EEFSEC: variants seen among roughly 807,000 people sequenced by gnomAD.
EEFSEC encodes the protein eukaryotic elongation factor, selenocysteine-tRNA specific.
In EEFSEC, 43 loss-of-function variants were observed where a neutral mutation model predicts 42.1. The ratio of observed to expected loss-of-function variants is 1.02; its 90% confidence interval spans 0.80 to 1.32. The LOEUF (loss-of-function observed/expected upper bound fraction) is 1.32. Ranked by LOEUF, EEFSEC falls within the 40% of genes most tolerant of loss-of-function variation. The probability of loss-of-function intolerance (pLI) is 0.00; values close to 1 mark genes in which losing one functional copy is unlikely to be tolerated. For missense variants in EEFSEC, 745 were observed against 803.6 expected (o/e 0.93, Z 0.88); for synonymous variants, 354 against 339.1 (o/e 1.04, Z -0.48).
At chr3:128,407,085 T>C (rs2068124043) in intron 6 of EEFSEC, among the ~76,000 whole-genome samples, 2 of 152,264 alleles carry the variant, frequency 1.3e-5, no homozygotes, top group Admixed American at 6.5e-5. Flanking sequence ...GAATGGGCCA[T>C]GATCAGCAGG....
In EEFSEC at chr3:128,298,340, G is replaced by T. The variant is rs59890114; in HGVS notation, c.786+33559G>T. On this transcript the variant is annotated intron_variant, in intron 4 of 6. Coordinates refer to ENST00000254730, the MANE Select transcript of EEFSEC (RefSeq NM_021937.5). ...TTTTAAAGTTTTTTATAGAGATGGG[G>T]TCTGCATGTGTTGCCCAGGCTGGTC... is the stretch of plus-strand genomic sequence containing the variant. Among the ~76,000 whole-genome samples, 135 of 152,278 alleles carry T rather than the reference G, an allele frequency of 8.9e-4. 1 individual carries two copies. Among genetic ancestry groups the T allele is most frequent in the African/African-American group, 3.2e-3 (131 of 41,552 alleles).
At chr3:128,287,169 C>G (rs1256950997) in intron 4 of EEFSEC, among the ~76,000 whole-genome samples, 1 of 152,202 alleles carries the variant, frequency 6.6e-6, no homozygotes, top group East Asian at 1.9e-4. Context: ...AGAGTGAACC[C>G]TGAGGGCCAA....
chr3:128,418,234 C>T, the EEFSEC span, among the ~76,000 whole-genome samples: 10 of 152,234 alleles, frequency 6.6e-5, no homozygotes, highest in African/African-American at 9.6e-5. Context: ...ACCCAGCTCA[C>T]GGCCCCTCGG....
At chr3:128,233,575 G>A (rs2065979873) in intron 1 of EEFSEC, among the ~76,000 whole-genome samples, 1 of 152,188 alleles carries the variant, frequency 6.6e-6, no homozygotes, top group African/African-American at 2.4e-5. Flanking sequence ...AGATCTACCT[G>A]AGCTCCCTCA....
chr3:128,251,808 CTTTG>C (rs1239993604), intron 2 of EEFSEC, among the ~76,000 whole-genome samples: 1 of 152,080 alleles, frequency 6.6e-6, no homozygotes. Flanking sequence ...TAGTCAAACT[CTTTG>C]TTCTTCTTTG....
intron 1 of EEFSEC, among the ~76,000 whole-genome samples, chr3:128,222,233 A>G (rs1421450357): frequency 2.0e-5 from 3 of 152,072 alleles, no homozygotes; most frequent in Non-Finnish European, 1.5e-5. Context: ...GGGTTTCGCC[A>G]TGTTGGCCAG....
rs1403620749 is a variant in EEFSEC at position 128,404,280 on chromosome 3, A to G, written c.1601-3789A>G. 5.9e-5 allele frequency among the ~76,000 whole-genome samples: 9 copies of G among 152,350 alleles called. 1 individual carries two copies. The South Asian group carries it at 1.9e-3, about 32-fold the overall frequency. On this transcript the variant is annotated intron_variant, in intron 6 of 6. Coordinates refer to ENST00000254730, the MANE Select transcript of EEFSEC (RefSeq NM_021937.5). ...TGTGGCTTCCCGGCCAGTCCATAAT[A>G]GAGCAGAGGTAAACGAGCCTGACCA...
intron 4 of EEFSEC, among the ~76,000 whole-genome samples, chr3:128,340,216 C>T (rs1264648121): frequency 6.6e-6 from 1 of 152,192 alleles, no homozygotes; most frequent in Non-Finnish European, 1.5e-5. Flanking sequence ...GGTCTTCACA[C>T]AGCTGTCTGC....
Position 128,317,182 on chromosome 3 carries a change from C to G in EEFSEC, c.787-24051C>G, listed in dbSNP as rs550325995. Among the ~76,000 whole-genome samples the G allele has an allele frequency of 2.1e-4, 32 of 152,174 alleles. No homozygotes were observed. The highest frequency in any genetic ancestry group is 3.7e-4 in the Non-Finnish European group (25 of 68,034). ...GGCCTCAATAGGGCAGCAAGGGCCC[C>G]GCAGAAGCAGTGCGTGCTGCTGGCT... On this transcript the variant is annotated intron_variant, in intron 4 of 6. Coordinates refer to ENST00000254730, the MANE Select transcript of EEFSEC (RefSeq NM_021937.5). The surrounding 1 kb of genome is among the most constrained non-coding windows in gnomAD (Gnocchi z 4.1).
chr3:128,309,193 C>T lies in EEFSEC; in HGVS notation c.787-32040C>T, dbSNP rs564084900. Reference sequence around the variant, plus strand: ...CATGGCTTGGAGAGGACCTGAATTCCGGTGGGTGGCTGTGGAAGTGGAGAG... The same window carrying T: ...CATGGCTTGGAGAGGACCTGAATTCTGGTGGGTGGCTGTGGAAGTGGAGAG... On this transcript the variant is annotated intron_variant, in intron 4 of 6. Coordinates refer to ENST00000254730, the MANE Select transcript of EEFSEC (RefSeq NM_021937.5). Among the ~76,000 whole-genome samples the T allele has an allele frequency of 7.9e-5, 12 of 152,220 alleles. No homozygotes were observed. The South Asian group carries it at 2.5e-3, about 32-fold the overall frequency.
chr3:128,179,875 T>C (rs1437977180), intron 1 of EEFSEC, among the ~76,000 whole-genome samples: 1 of 152,094 alleles, frequency 6.6e-6, no homozygotes, highest in Non-Finnish European at 1.5e-5. Flanking sequence ...GAGATTACTG[T>C]CTTATCAGAG....
intron 6 of EEFSEC, among the ~76,000 whole-genome samples, chr3:128,384,813 A>G (rs2067819551): frequency 6.6e-6 from 1 of 152,194 alleles, no homozygotes; most frequent in Non-Finnish European, 1.5e-5. Context: ...ACTGTCTGCC[A>G]AGAGAGGTGG....
At chr3:128,367,841 G>C (rs2067608328) in intron 6 of EEFSEC, 1 of 985,300 alleles carries the variant, frequency 1.0e-6, no homozygotes, top group African/African-American at 1.7e-5. Flanking sequence ...CATCTGGAAT[G>C]CCAAGCAGTT....
chr3:128,285,937 A>G (rs1173239969), intron 4 of EEFSEC, among the ~76,000 whole-genome samples: 1 of 152,222 alleles, frequency 6.6e-6, no homozygotes, highest in Non-Finnish European at 1.5e-5. Context: ...CTGTGAACTC[A>G]TGAGTTTGCT....
At chr3:128,288,410 A>G (rs1024887433) in intron 4 of EEFSEC, among the ~76,000 whole-genome samples, 10 of 152,208 alleles carry the variant, frequency 6.6e-5, no homozygotes, top group Admixed American at 2.0e-4. Context: ...GTGCCACAGC[A>G]AAAGCCTGAG....
chr3:128,328,712 G>A (rs964140178), intron 4 of EEFSEC, among the ~76,000 whole-genome samples: 19 of 152,304 alleles, frequency 1.2e-4, no homozygotes, highest in Non-Finnish European at 1.8e-4. Context: ...CAGGGGGTGG[G>A]GCTGGCCTCC....
chr3:128,414,255 G>A, the EEFSEC span, among the ~76,000 whole-genome samples: 231 of 152,250 alleles, frequency 1.5e-3, 2 homozygotes, highest in Admixed American at 3.5e-3. Flanking sequence ...AGTGGACCCC[G>A]GGGCTCTCTG....
intron 6 of EEFSEC, among the ~76,000 whole-genome samples, chr3:128,401,822 A>C (rs2068051364): frequency 6.6e-6 from 1 of 152,158 alleles, no homozygotes. Context: ...CCCTTGATGC[A>C]AGCAGCAGAG....
intron 2 of EEFSEC, 61 bp from the exon 3 acceptor site, chr3:128,262,067 C>T (rs768131217): frequency 9.6e-5 from 146 of 1,521,478 alleles, no homozygotes; most frequent in Non-Finnish European, 1.3e-4. Flanking sequence ...GCTTCATGGA[C>T]GTGCTTTGTG....
Sources: allele counts gnomAD v4.1 joint callset (sites outside exome capture counted in the v4.1 genomes callset), GRCh38; gene constraint gnomAD v4.1.1; non-coding constraint Gnocchi (gnomAD v3.1); transcripts MANE v1.5; gene names NCBI Gene and HGNC (gene_info 2026-07-23, HGNC 2026-07-21).